The following ASH1L variants were observed in gnomAD, a reference collection of about 807,000 sequenced individuals.
The protein encoded by ASH1L is ASH1 like histone lysine methyltransferase.
In ASH1L, 23 loss-of-function variants were observed where a neutral mutation model predicts 269.0. The observed-to-expected ratio is 0.09, with a 90% CI of 0.06 to 0.12. The LOEUF is 0.12. Ranked by LOEUF, ASH1L falls within the 10% of genes least tolerant of loss-of-function variation. ASH1L has a pLI of 1.00. For missense variants in ASH1L, 2,912 were observed against 3,567.8 expected (o/e 0.82, Z 4.68); for synonymous variants, 1,187 against 1,253.5 (o/e 0.95, Z 1.12).
intron 1 of ASH1L, among the ~76,000 whole-genome samples, chr1:155,551,975 CA>C (rs1212223581): frequency 1.3e-5 from 2 of 151,244 alleles, no homozygotes; most frequent in African/African-American, 4.9e-5. Context: ...GACTCCGTGT[CA>C]AAAAAGAAAA....
chr1:155,521,022 AATAC>A (rs1381464150), intron 2 of ASH1L, 74 bp downstream of exon 2: 1 of 1,401,584 alleles, frequency 7.1e-7, no homozygotes, highest in African/African-American at 1.4e-5. Flanking sequence ...AACTCCCGGA[AATAC>A]ATATATAGGA....
Position 155,348,669 on chromosome 1 carries a change from G to A in ASH1L, c.7554+658C>T, listed in dbSNP as rs1421085844. ...GGCCAAGGCAGGCAGATCACCTGAG[G>A]TCAGGAGTTCAAGACCAGCCTGGCC... is the stretch of plus-strand genomic sequence containing the variant. On this transcript the variant is annotated intron_variant, in intron 19 of 27. Coordinates refer to ENST00000392403, the MANE Select transcript of ASH1L (RefSeq NM_018489.3). 2.6e-5 allele frequency among the ~76,000 whole-genome samples: 4 copies of A among 152,104 alleles called. No individual in the cohort carries two copies. The South Asian group carries it at 8.3e-4, about 32-fold the overall frequency.
At chr1:155,548,340 G>A (rs751151024) in intron 1 of ASH1L, among the ~76,000 whole-genome samples, 3 of 152,194 alleles carry the variant, frequency 2.0e-5, no homozygotes, top group South Asian at 4.1e-4. Context: ...TGACCAACAC[G>A]GTAAAACCCT....
intron 4 of ASH1L, among the ~76,000 whole-genome samples, chr1:155,439,515 T>C (rs1307084276): frequency 6.6e-6 from 1 of 151,904 alleles, no homozygotes; most frequent in Admixed American, 6.6e-5. Flanking sequence ...CTAAGGAACA[T>C]AGCAAGAAGA....
At chr1:155,369,172 G>A (rs571131177) in intron 12 of ASH1L, among the ~76,000 whole-genome samples, 7 of 152,218 alleles carry the variant, frequency 4.6e-5, no homozygotes, top group African/African-American at 7.2e-5. Flanking sequence ...AGACGGGCGC[G>A]GTGGCTCACG....
intron 6 of ASH1L, among the ~76,000 whole-genome samples, chr1:155,405,362 T>A (rs1171235466): frequency 6.6e-6 from 1 of 151,420 alleles, no homozygotes; most frequent in East Asian, 2.0e-4. Context: ...TGCACCCATA[T>A]TCCTAGCTAA....
intron 5 of ASH1L, chr1:155,433,094 A>C: frequency 1.2e-4 from 149 of 1,294,846 alleles, no homozygotes; most frequent in Non-Finnish European, 1.3e-4. Flanking sequence ...CTGCTATGAC[A>C]GAGATACCAA....
At position 155,429,223 on chromosome 1, in the gene ASH1L, CA is replaced by C. The variant is rs1223829353; in HGVS notation, c.5828+9103del. Among the ~76,000 whole-genome samples, 6 of 151,900 alleles carry C rather than the reference CA, an allele frequency of 3.9e-5. No homozygotes were observed. The East Asian group carries it at 1.2e-3, about 29-fold the overall frequency. ...CATAATTTAACATGACTATGTTGAG[CA>C]AAAAAAGGTGAGACACAATAGTATA... On this transcript the variant is annotated intron_variant, in intron 5 of 27. Coordinates refer to ENST00000392403, the MANE Select transcript of ASH1L (RefSeq NM_018489.3).
At position 155,371,595 on chromosome 1, in the gene ASH1L, G is replaced by T. The variant is rs182402890; in HGVS notation, c.6333-612C>A. On this transcript the variant is annotated intron_variant, in intron 10 of 27. Coordinates refer to ENST00000392403, the MANE Select transcript of ASH1L (RefSeq NM_018489.3). ...AAATAAATAACTGTGATCCAAAGAA[G>T]AATCAGTAATTTGATGATGATTTCA... 3.3e-3 allele frequency among the ~76,000 whole-genome samples: 500 copies of T among 151,160 alleles called. 3 individuals carry two copies. The highest frequency in any genetic ancestry group is 0.012 in the African/African-American group (483 of 41,276).
chr1:155,510,239 C>A (rs958114803), intron 2 of ASH1L, among the ~76,000 whole-genome samples: 1 of 151,538 alleles, frequency 6.6e-6, no homozygotes, highest in Non-Finnish European at 1.5e-5. Context: ...TTTGGAGAAA[C>A]CCTGTCTCTA....
Position 155,562,312 on chromosome 1 carries a change from A to T in ASH1L, c.-259T>A. On this transcript the variant is annotated 5_prime_UTR_variant, in exon 1 of 28. Transcript: ENST00000392403. ...GTAAGCTGACTGGCGGAAATGCGAG[A>T]GAGGAGAAGGGAAAGGTGGAAGGCT... 6.3e-7 allele frequency: 1 copy of T among 1,587,976 alleles called. No homozygotes were observed. Among genetic ancestry groups the T allele is most frequent in the South Asian group, 1.1e-5 (1 of 90,362 alleles).
chr1:155,546,087 G>A (rs1451231869), intron 1 of ASH1L, among the ~76,000 whole-genome samples: 1 of 148,812 alleles, frequency 6.7e-6, no homozygotes, highest in East Asian at 2.0e-4. Flanking sequence ...GAGCCTGGGA[G>A]ATGGAGGCTG....
rs770203429 is a variant in ASH1L, at chr1:155,438,612, C to T, written c.5543G>A (p.Arg1848His). Residue 1848 changes from arginine to histidine, a missense_variant, in exon 5 of 28, where the codon CGT (arginine) becomes CAT (histidine). Coordinates refer to ENST00000392403, the MANE Select transcript of ASH1L (RefSeq NM_018489.3). ...QARTGNNFVK[R>H]RPGRPRKCPL... ...ACATTTCCGAGGTCGACCTGGCCTA[C>T]GTTTCACAAAGTTATTCCCTGTCCT... 4.3e-6 allele frequency: 7 copies of T among 1,614,066 alleles called. No homozygotes were observed. The highest frequency in any genetic ancestry group is 2.2e-5 in the East Asian group (1 of 44,896).
intron 10 of ASH1L, among the ~76,000 whole-genome samples, chr1:155,373,444 C>T (rs922997432): frequency 1.3e-5 from 2 of 151,604 alleles, no homozygotes; most frequent in Non-Finnish European, 2.9e-5. Context: ...CGCACCACCG[C>T]ATCTGACTAC....
intron 4 of ASH1L, among the ~76,000 whole-genome samples, chr1:155,454,884 T>C (rs955951785): frequency 1.3e-5 from 2 of 152,254 alleles, no homozygotes; most frequent in African/African-American, 4.8e-5. Context: ...ATGTCTCTTA[T>C]AGTCTTTTGG....
At chr1:155,496,873 C>T (rs1170118443) in intron 2 of ASH1L, among the ~76,000 whole-genome samples, 1 of 151,822 alleles carries the variant, frequency 6.6e-6, no homozygotes, top group East Asian at 1.9e-4. Context: ...CTCAAACTCC[C>T]GGGCTCGGGC....
At chr1:155,348,846 G>A (rs1327143613) in intron 19 of ASH1L, among the ~76,000 whole-genome samples, 5 of 149,280 alleles carry the variant, frequency 3.3e-5, no homozygotes, top group Admixed American at 6.7e-5. Flanking sequence ...ACGCTATTGC[G>A]CTCCAGCCTG....
chr1:155,418,125 T>A (rs535752592), intron 5 of ASH1L, among the ~76,000 whole-genome samples: 28 of 152,230 alleles, frequency 1.8e-4, no homozygotes, highest in African/African-American at 6.5e-4. Flanking sequence ...TTGCATCCAA[T>A]AATAAATTCC....
chr1:155,392,487 T>C (rs1237239733), intron 7 of ASH1L, among the ~76,000 whole-genome samples: 1 of 152,152 alleles, frequency 6.6e-6, no homozygotes, highest in Non-Finnish European at 1.5e-5. Flanking sequence ...TGCATTTTTT[T>C]CTTATTTATT....
Sources: allele counts gnomAD v4.1 joint callset (sites outside exome capture counted in the v4.1 genomes callset), GRCh38; gene constraint gnomAD v4.1.1; transcripts MANE v1.5; gene names NCBI Gene and HGNC (gene_info 2026-07-23, HGNC 2026-07-21).